Variants in USP21 observed in about 807,000 individuals in gnomAD.
The protein encoded by USP21 is ubiquitin specific peptidase 21.
A neutral mutation model predicts 70.8 loss-of-function variants in USP21; 37 were observed. That is an observed-to-expected ratio of 0.52 (90% CI 0.40 to 0.69). The LOEUF (loss-of-function observed/expected upper bound fraction) is 0.69. Ranked by LOEUF, USP21 falls within the 30% of genes least tolerant of loss-of-function variation. The probability of loss-of-function intolerance (pLI) is 0.00; values close to 1 mark genes in which losing one functional copy is unlikely to be tolerated. For synonymous variants in USP21, 263 were observed against 283.1 expected (o/e 0.93, Z 0.71); for missense variants, 584 against 740.8 (o/e 0.79, Z 2.46).
At position 161,162,775 on chromosome 1, in the gene USP21, T is replaced by A. The variant is rs767397328; in HGVS notation, c.893+49T>A. On this transcript the variant is annotated intron_variant, in intron 6 of 13. Transcript: ENST00000368002. The surrounding 1 kb of genome is among the most constrained non-coding windows in gnomAD (Gnocchi z 4.1). ...ATTTCTCTCTGGCCATGTCTGGGGG[T>A]AGGGCCAAGCAAGGGCCCTGGCAGC... is the stretch of plus-strand genomic sequence containing the variant. 11 of 1,576,390 alleles carry A rather than the reference T, an allele frequency of 7.0e-6. No homozygotes were observed. The highest frequency in any genetic ancestry group is 9.6e-6 in the Non-Finnish European group (11 of 1,145,898).
In USP21 at chr1:161,160,604, T is replaced by A; in HGVS notation, c.-21-16T>A. The A allele has an allele frequency of 6.3e-7, 1 of 1,590,286 alleles. No homozygotes were observed. The stretch of plus-strand genomic sequence containing the variant: ...TCCCCCCATATTCAAATGCTGACAC[T>A]CTCTTCTCCTCCCAGGTCCAGCCTG... On this transcript the variant is annotated splice_polypyrimidine_tract_variant and intron_variant, in intron 2 of 13. Transcript: ENST00000368002.
rs765859146 is a variant in USP21 at position 161,163,566 on chromosome 1, G to A, written c.1061G>A (p.Arg354Gln). 35 of 1,613,524 alleles carry A rather than the reference G, an allele frequency of 2.2e-5. No homozygotes were observed. Among genetic ancestry groups the A allele is most frequent in the Non-Finnish European group, 2.4e-5 (28 of 1,179,920 alleles). ...TTGATCTGTGGTAGTGATGATGACC[G>A]AGCCAACCTAATGTGGAAACGTTAC... is the stretch of plus-strand genomic sequence containing the variant. ...LEEPELSDDD[R>Q]ANLMWKRYLE... Residue 354 changes from arginine (R) to glutamine (Q), a missense_variant, in exon 8 of 14, where the codon CGA becomes CAA. Physicochemically the swap from Arg to Gln is conservative, Grantham distance 43. This residue lies in a region of USP21 where 173 missense variants were observed against 268.2 expected (regional missense o/e 0.65). Coordinates refer to ENST00000368002, the MANE Select transcript of USP21 (RefSeq NM_001014443.3).
At position 161,163,579 on chromosome 1, in the gene USP21, G is replaced by A; in HGVS notation, c.1074G>A (p.Met358Ile). Reference sequence around the variant, plus strand: ...GTGATGATGACCGAGCCAACCTAATGTGGAAACGTTACCTGGAGCGAGAGG... The same window carrying A: ...GTGATGATGACCGAGCCAACCTAATATGGAAACGTTACCTGGAGCGAGAGG... ...ELSDDDRANLMWKRYLEREDS... is the reference protein window; with the variant it reads ...ELSDDDRANLIWKRYLEREDS... The change falls in exon 8 of 14, where the codon ATG (methionine) becomes ATA (isoleucine). Residue 358 changes from methionine to isoleucine, a missense_variant. Physicochemically the swap from Met to Ile is conservative, Grantham distance 10. This residue lies in a region of USP21 where 173 missense variants were observed against 268.2 expected (regional missense o/e 0.65). Transcript: ENST00000368002. 1 of 1,613,484 alleles carries A rather than the reference G, an allele frequency of 6.2e-7. No individual in the cohort carries two copies. The highest frequency in any genetic ancestry group is 8.5e-7 in the Non-Finnish European group (1 of 1,179,882).
At position 161,161,238 on chromosome 1, in the gene USP21, A is replaced by G. The variant is rs756904192; in HGVS notation, c.598A>G (p.Met200Val). ...TGAGCCTTTCTACTCTGATGACAAG[A>G]TGGTGAGGACTTGCCACACACATGG... is the stretch of plus-strand genomic sequence containing the variant. ...SSEPFYSDDKMAHHTLLLGSG... is the reference protein window; with the variant it reads ...SSEPFYSDDKVAHHTLLLGSG... The change falls in exon 3 of 14, where the codon ATG (methionine) becomes GTG (valine). Residue 200 changes from methionine to valine, a missense_variant and splice_region_variant. By Grantham distance (21) the Met-to-Val change is conservative. Around this residue, in one of 4 missense-constraint regions of USP21, gnomAD observed 284 missense variants for 281.0 expected, o/e 1.01. Transcript: ENST00000368002. The surrounding 1 kb of genome is among the most constrained non-coding windows in gnomAD (Gnocchi z 4.2). The G allele has an allele frequency of 1.3e-6, 2 of 1,590,680 alleles. No individual in the cohort carries two copies. The highest frequency in any genetic ancestry group is 1.7e-6 in the Non-Finnish European group (2 of 1,166,068).
intron 7 of USP21, 66 bp from the exon 8 acceptor site, chr1:161,163,489 G>C: frequency 1.4e-6 from 2 of 1,464,534 alleles, no homozygotes; most frequent in Non-Finnish European, 1.9e-6. Context: ...GTTTCAGTGG[G>C]TGTTGGGGGT....
chr1:161,163,601 G>C lies in USP21; in HGVS notation c.1096G>C (p.Glu366Gln). 1.2e-6 allele frequency: 2 copies of C among 1,612,356 alleles called. No individual in the cohort carries two copies. Among genetic ancestry groups the C allele is most frequent in the Non-Finnish European group, 1.7e-6 (2 of 1,179,388 alleles). ...NLMWKRYLER[E>Q]DSKIVDLFVG... ...AATGTGGAAACGTTACCTGGAGCGA[G>C]AGGACAGCAAGATTGTGGGTATGGA... The change falls in exon 8 of 14, where the codon GAG becomes CAG. Residue 366 changes from glutamate to glutamine, a missense_variant. This residue lies in a region of USP21 where 173 missense variants were observed against 268.2 expected (regional missense o/e 0.65). Coordinates refer to ENST00000368002, the MANE Select transcript of USP21 (RefSeq NM_001014443.3).
Position 161,161,178 on chromosome 1 carries a change from C to T in USP21, c.538C>T (p.His180Tyr). ...CATACGGACAGAGCCCCCTGCTTCC[C>T]ATGGCTCCTTCCACATGATATCCGC... The part of the protein sequence containing the change: ...FSIRTEPPAS[H>Y]GSFHMISARS... Residue 180 changes from histidine (H) to tyrosine (Y), a missense_variant, in exon 3 of 14, where the codon CAT becomes TAT. Coordinates refer to ENST00000368002, the MANE Select transcript of USP21 (RefSeq NM_001014443.3). The surrounding 1 kb of genome is among the most constrained non-coding windows in gnomAD (Gnocchi z 4.2). The T allele has an allele frequency of 6.2e-7, 1 of 1,613,616 alleles. No individual in the cohort carries two copies. The highest frequency in any genetic ancestry group is 8.5e-7 in the Non-Finnish European group (1 of 1,179,652).
Position 161,161,681 on chromosome 1 carries a change from C to T in USP21, c.601-357C>T. On this transcript the variant is annotated intron_variant, in intron 3 of 13. Coordinates refer to ENST00000368002, the MANE Select transcript of USP21 (RefSeq NM_001014443.3). This position sits in a 1 kb window ranked among gnomAD's most constrained non-coding sequence, Gnocchi z 4.2. ...CCAGCAGGAGAAGGGCAAGAAGGGGCCACGGGGGCAGGAGGGGGTTTTGGG... is the reference window on the plus strand; with the variant it reads ...CCAGCAGGAGAAGGGCAAGAAGGGGTCACGGGGGCAGGAGGGGGTTTTGGG... The T allele has an allele frequency of 2.3e-6, 1 of 425,988 alleles. No homozygotes were observed. The highest frequency in any genetic ancestry group is 4.3e-6 in the Non-Finnish European group (1 of 233,042). 26.4% of individuals were successfully genotyped at this position (425,988 alleles called of 1,614,324 possible).
rs778075451 is a variant in USP21, at chr1:161,164,237, C to T, written c.1292C>T (p.Ser431Leu). Residue 431 changes from serine to leucine, a missense_variant, in exon 10 of 14, where the codon TCG (serine) becomes TTG (leucine). Physicochemically the swap from Ser to Leu is moderately radical, Grantham distance 145. Coordinates refer to ENST00000368002, the MANE Select transcript of USP21 (RefSeq NM_001014443.3). The surrounding 1 kb of genome is among the most constrained non-coding windows in gnomAD (Gnocchi z 4.2). ...TTCACTAAGGAAGAAGAGCTAGAGTCGGAGAATGCCCCAGTATGTGGAGGT... is the reference window on the plus strand; with the variant it reads ...TTCACTAAGGAAGAAGAGCTAGAGTTGGAGAATGCCCCAGTATGTGGAGGT... ...NLFTKEEELE[S>L]ENAPVCDRCR... 2.7e-5 allele frequency: 43 copies of T among 1,613,938 alleles called. No individual in the cohort carries two copies. Among genetic ancestry groups the T allele is most frequent in the Non-Finnish European group, 3.4e-5 (40 of 1,180,018 alleles).
At position 161,163,879 on chromosome 1, in the gene USP21, C is replaced by T. The variant is rs1196376610; in HGVS notation, c.1116C>T (p.Asp372=). The change falls in exon 9 of 14, where the codon GAC becomes GAT. Residue 372 remains aspartate, a splice_region_variant and synonymous_variant. Transcript: ENST00000368002. The part of the protein sequence containing the change: ...YLEREDSKIV[D]LFVGQLKSCL... ...TCCTGTCCCTGTGCTTCTGTCTAGA[C>T]CTGTTTGTGGGCCAGTTGAAAAGTT... 7 of 1,613,570 alleles carry T rather than the reference C, an allele frequency of 4.3e-6. No individual in the cohort carries two copies. The highest frequency in any genetic ancestry group is 5.1e-6 in the Non-Finnish European group (6 of 1,179,634).
In USP21 at chr1:161,164,099, T is replaced by G; in HGVS notation, c.1219-65T>G. ...TTCTGGAGCAGAACTGAAGCCTGGA[T>G]TGATTGAGAAGAGTTGGAAAAGGAA... On this transcript the variant is annotated intron_variant, in intron 9 of 13. Transcript: ENST00000368002. This position sits in a 1 kb window ranked among gnomAD's most constrained non-coding sequence, Gnocchi z 4.2. 3 of 1,587,850 alleles carry G rather than the reference T, an allele frequency of 1.9e-6. No homozygotes were observed. Among genetic ancestry groups the G allele is most frequent in the Non-Finnish European group, 2.6e-6 (3 of 1,156,470 alleles).
Position 161,161,437 on chromosome 1 carries a change from C to A in USP21, c.600+197C>A. 1.6e-6 allele frequency: 1 copy of A among 623,684 alleles called. No individual in the cohort carries two copies. The highest frequency in any genetic ancestry group is 2.7e-6 in the Non-Finnish European group (1 of 374,308). The allele number at this position is 623,684 out of a possible 1,614,324, so 38.6% of individuals were successfully genotyped here. On this transcript the variant is annotated intron_variant, in intron 3 of 13. Transcript: ENST00000368002. The surrounding 1 kb of genome is among the most constrained non-coding windows in gnomAD (Gnocchi z 4.2). ...TTTTGGGTTGTTGGTGACTCTTCAG[C>A]ATGGTGTGCCATTTCGGTCCCCAGG...
At position 161,161,414 on chromosome 1, in the gene USP21, T is replaced by G; in HGVS notation, c.600+174T>G. On this transcript the variant is annotated intron_variant, in intron 3 of 13. Transcript: ENST00000368002. This position sits in a 1 kb window ranked among gnomAD's most constrained non-coding sequence, Gnocchi z 4.2. ...ACCCTTGAGCCTCCTAGACCCTTTTTTGGGTTGTTGGTGACTCTTCAGCAT... is the reference window on the plus strand; with the variant it reads ...ACCCTTGAGCCTCCTAGACCCTTTTGTGGGTTGTTGGTGACTCTTCAGCAT... 1 of 780,202 alleles carries G rather than the reference T, an allele frequency of 1.3e-6. No individual in the cohort carries two copies. The highest frequency in any genetic ancestry group is 2.0e-5 in the South Asian group (1 of 49,478). The allele number at this position is 780,202 out of a possible 1,614,324, so 48.3% of individuals were successfully genotyped here.
rs776101713 is a variant in USP21, at chr1:161,164,550, G to A, written c.1322G>A (p.Arg441Gln). 7 of 1,614,002 alleles carry A rather than the reference G, an allele frequency of 4.3e-6. No individual in the cohort carries two copies. Among genetic ancestry groups the A allele is most frequent in the Admixed American group, 1.7e-5 (1 of 60,000 alleles). ...SENAPVCDRC[R>Q]QKTRSTKKLT... ...TTTATTCAGGTGTGTGACCGATGTC[G>A]GCAGAAAACTCGAAGTACCAAAAAG... The change falls in exon 11 of 14, where the codon CGG (arginine) becomes CAG (glutamine). Residue 441 changes from arginine to glutamine, a missense_variant. Transcript: ENST00000368002. This position sits in a 1 kb window ranked among gnomAD's most constrained non-coding sequence, Gnocchi z 4.2.
Position 161,160,404 on chromosome 1 carries a change from C to T in USP21, c.-124C>T. 1 of 593,814 alleles carries T rather than the reference C, an allele frequency of 1.7e-6. No homozygotes were observed. Among genetic ancestry groups the T allele is most frequent in the South Asian group, 2.1e-5 (1 of 47,244 alleles). The allele number at this position is 593,814 out of a possible 1,614,324, so 36.8% of individuals were successfully genotyped here. A position where few individuals can be genotyped will look rare whatever the true frequency, so the allele number is the denominator to read the frequency against. On this transcript the variant is annotated 5_prime_UTR_variant, in exon 2 of 14. Transcript: ENST00000368002. ...GATGGCTGATTCGATAGATCTGGTT[C>T]CTGCCCTCAGTGCGTATACTGCTCC...
Position 161,164,414 on chromosome 1 carries a change from G to A in USP21, c.1306-120G>A, listed in dbSNP as rs1463424889. ...TCTAGTACTCCTAGAGCAAAGGGGAGAAGCCAAGAGGATCCAGCTGTAATG... is the reference window on the plus strand; with the variant it reads ...TCTAGTACTCCTAGAGCAAAGGGGAAAAGCCAAGAGGATCCAGCTGTAATG... On this transcript the variant is annotated intron_variant, in intron 10 of 13. Transcript: ENST00000368002. The surrounding 1 kb of genome is among the most constrained non-coding windows in gnomAD (Gnocchi z 4.2). The A allele has an allele frequency of 7.2e-7, 1 of 1,390,514 alleles. No individual in the cohort carries two copies. Among genetic ancestry groups the A allele is most frequent in the African/African-American group, 1.4e-5 (1 of 69,952 alleles). 86.1% of individuals were successfully genotyped at this position (1,390,514 alleles called of 1,614,324 possible).
chr1:161,161,938 C>A lies in USP21; in HGVS notation c.601-100C>A. The A allele has an allele frequency of 8.6e-7, 1 of 1,157,576 alleles. No individual in the cohort carries two copies. Among genetic ancestry groups the A allele is most frequent in the Non-Finnish European group, 1.3e-6 (1 of 765,096 alleles). 71.7% of individuals were successfully genotyped at this position (1,157,576 alleles called of 1,614,324 possible). Reference sequence around the variant, plus strand: ...AATAGGGTAGAGTTTGGGGATGAAACATGCATGGGATGGGGGAGGCAGTGG... The same window carrying A: ...AATAGGGTAGAGTTTGGGGATGAAAAATGCATGGGATGGGGGAGGCAGTGG... On this transcript the variant is annotated intron_variant, in intron 3 of 13. Transcript: ENST00000368002. This position sits in a 1 kb window ranked among gnomAD's most constrained non-coding sequence, Gnocchi z 4.2.
At chr1:161,163,486 T>G in intron 7 of USP21, 69 bp from the exon 8 acceptor site, 1 of 1,428,380 alleles carries the variant, frequency 7.0e-7, no homozygotes, top group Non-Finnish European at 9.9e-7. Flanking sequence ...GTTGTTTCAG[T>G]GGGTGTTGGG....
At position 161,162,519 on chromosome 1, in the gene USP21, C is replaced by T. The variant is rs1458660876; in HGVS notation, c.782-96C>T. 1.3e-5 allele frequency: 20 copies of T among 1,535,756 alleles called. No homozygotes were observed. Among genetic ancestry groups the T allele is most frequent in the Non-Finnish European group, 1.8e-5 (20 of 1,115,324 alleles). ...TTGTATCTACTTTTCCCAGTGCCTACTTTCCTAAAGGTTATTTTCTACCCT... is the reference window on the plus strand; with the variant it reads ...TTGTATCTACTTTTCCCAGTGCCTATTTTCCTAAAGGTTATTTTCTACCCT... On this transcript the variant is annotated intron_variant, in intron 5 of 13. Transcript: ENST00000368002. This position sits in a 1 kb window ranked among gnomAD's most constrained non-coding sequence, Gnocchi z 4.1.
Sources: allele counts gnomAD v4.1 joint callset, GRCh38; gene constraint gnomAD v4.1.1; regional missense constraint gnomAD v4.1.1; non-coding constraint Gnocchi (gnomAD v3.1); transcripts MANE v1.5; gene names NCBI Gene and HGNC (gene_info 2026-07-23, HGNC 2026-07-21).